Variants in YME1L1 observed in about 807,000 individuals in gnomAD.
YME1L1 encodes ATP-dependent zinc metalloprotease YME1L1.
In YME1L1, 39 loss-of-function variants were observed where a neutral mutation model predicts 90.4. The ratio of observed to expected loss-of-function variants is 0.43; its 90% confidence interval spans 0.33 to 0.56. The LOEUF (loss-of-function observed/expected upper bound fraction) is 0.56. YME1L1 is among the 20% of genes least tolerant of loss of function. YME1L1 has a pLI of 0.03. For synonymous variants in YME1L1, 284 were observed against 287.3 expected (o/e 0.99, Z 0.12); for missense variants, 617 against 868.4 (o/e 0.71, Z 3.64).
chr10:27,152,120 G>A (rs2057226926), intron 1 of YME1L1, among the ~76,000 whole-genome samples: 1 of 151,328 alleles, frequency 6.6e-6, no homozygotes, highest in Non-Finnish European at 1.5e-5. Flanking sequence ...ACAGCCTGGG[G>A]GCAGTAAAAA....
intron 7 of YME1L1, 72 bp downstream of exon 7, chr10:27,133,967 G>T: frequency 9.6e-7 from 1 of 1,044,342 alleles, no homozygotes; most frequent in Non-Finnish European, 1.4e-6. Flanking sequence ...TTAAGGGTTA[G>T]ATTAGGCATT....
chr10:27,112,238 AT>A, intron 18 of YME1L1, 118 bp from the exon 19 acceptor site: 1 of 905,862 alleles, frequency 1.1e-6, no homozygotes, highest in Non-Finnish European at 1.6e-6. Context: ...GTTTATATTT[AT>A]AAAATCATGT....
Position 27,149,480 on chromosome 10 carries a change from T to G in YME1L1, c.34-440A>C, listed in dbSNP as rs372651137. 3.1e-3 allele frequency among the ~76,000 whole-genome samples: 464 copies of G among 150,570 alleles called. 1 individual carries two copies. The highest frequency in any genetic ancestry group is 0.011 in the African/African-American group (439 of 41,028). ...ACCCCAGCACTTTGGGAGACCGAGG[T>G]GGGTGGATCACTTGAGGTCAGGAGT... On this transcript the variant is annotated intron_variant, in intron 1 of 18. Coordinates refer to ENST00000376016, the MANE Select transcript of YME1L1 (RefSeq NM_014263.4).
chr10:27,118,983 A>T (rs2056840086), intron 14 of YME1L1, among the ~76,000 whole-genome samples: 1 of 152,334 alleles, frequency 6.6e-6, no homozygotes, highest in Middle Eastern at 3.4e-3. Context: ...AAAGCTTTCC[A>T]GTCAGAAAAA....
At chr10:27,140,538 G>T (rs989871149) in intron 4 of YME1L1, among the ~76,000 whole-genome samples, 1 of 152,044 alleles carries the variant, frequency 6.6e-6, no homozygotes, top group Non-Finnish European at 1.5e-5. Context: ...GAGTTCAGTG[G>T]CGCGGTCTCG....
intron 5 of YME1L1, 76 bp from the exon 6 acceptor site, chr10:27,135,057 A>C: frequency 7.4e-7 from 1 of 1,354,028 alleles, no homozygotes; most frequent in South Asian, 1.5e-5. Flanking sequence ...ACCACTCAAA[A>C]AAATTCACTA....
intron 1 of YME1L1, among the ~76,000 whole-genome samples, chr10:27,151,484 T>G (rs1378187628): frequency 6.6e-6 from 1 of 152,232 alleles, no homozygotes; most frequent in Non-Finnish European, 1.5e-5. Flanking sequence ...CAACAAAGAT[T>G]TAGAATCTGA....
chr10:27,118,074 G>A (rs1028304484), intron 14 of YME1L1, among the ~76,000 whole-genome samples: 1 of 152,140 alleles, frequency 6.6e-6, no homozygotes, highest in Non-Finnish European at 1.5e-5. Flanking sequence ...ATGGGTCCTG[G>A]AACCAATCCC....
At chr10:27,134,583 A>C (rs1287602962) in intron 6 of YME1L1, among the ~76,000 whole-genome samples, 1 of 152,258 alleles carries the variant, frequency 6.6e-6, no homozygotes, top group Non-Finnish European at 1.5e-5. Flanking sequence ...TCAAAAACAA[A>C]CACAAACAAA....
chr10:27,137,465 A>G (rs1420663507), intron 4 of YME1L1, among the ~76,000 whole-genome samples: 1 of 152,216 alleles, frequency 6.6e-6, no homozygotes, highest in African/African-American at 2.4e-5. Context: ...CAGCAGATGT[A>G]GACTGAATTC....
chr10:27,148,999 T>C lies in YME1L1; in HGVS notation c.75A>G (p.Thr25=), dbSNP rs767714947. ...TGAGAGAAACAGAAGTGTTTTTTGGTGTATGGAAGGCATTGATGAGATGAC... is the reference window on the plus strand; with the variant it reads ...TGAGAGAAACAGAAGTGTTTTTTGGCGTATGGAAGGCATTGATGAGATGAC... ...PLSHLINAFH[T]PKNTSVSLSG... Residue 25 remains threonine, a synonymous_variant, in exon 2 of 19, where the codon ACA becomes ACG. Coordinates refer to ENST00000376016, the MANE Select transcript of YME1L1 (RefSeq NM_014263.4). 6.2e-7 allele frequency: 1 copy of C among 1,613,788 alleles called. No homozygotes were observed. Among genetic ancestry groups the C allele is most frequent in the Non-Finnish European group, 8.5e-7 (1 of 1,179,876 alleles).
At chr10:27,113,260 A>AAAAAAAAAAAAAAAAT (rs1564453902) in intron 18 of YME1L1, among the ~76,000 whole-genome samples, 1 of 111,616 alleles carries the variant, frequency 9.0e-6, no homozygotes. Flanking sequence ...AAAAAAAAAA[A>AAAAAAAAAAAAAAAAT]AAAGACCTGC....
chr10:27,121,667 G>A (rs934092171), intron 11 of YME1L1, among the ~76,000 whole-genome samples: 1 of 152,020 alleles, frequency 6.6e-6, no homozygotes, highest in African/African-American at 2.4e-5. Context: ...TGGAATGACA[G>A]GTGCATGCCA....
intron 17 of YME1L1, 36 bp from the exon 18 acceptor site, chr10:27,114,643 AC>A: frequency 6.7e-7 from 1 of 1,482,276 alleles, no homozygotes; most frequent in Non-Finnish European, 9.3e-7. Flanking sequence ...TGAACAGAAA[AC>A]CCCCAAACAC....
chr10:27,150,007 C>T (rs1365857648), intron 1 of YME1L1, among the ~76,000 whole-genome samples: 1 of 151,814 alleles, frequency 6.6e-6, no homozygotes, highest in Non-Finnish European at 1.5e-5. Context: ...ACCTGGGAGG[C>T]GGAGGTTGCA....
chr10:27,132,345 C>T (rs750706628), intron 7 of YME1L1, among the ~76,000 whole-genome samples: 16 of 151,854 alleles, frequency 1.1e-4, no homozygotes, highest in Non-Finnish European at 1.9e-4. Flanking sequence ...GTGATCCACC[C>T]GCCTCAGCCT....
chr10:27,142,343 A>C, intron 4 of YME1L1, 44 bp downstream of exon 4: 1 of 1,159,428 alleles, frequency 8.6e-7, no homozygotes, highest in Non-Finnish European at 1.2e-6. Flanking sequence ...GACTATAGTA[A>C]ATAAATATTT....
Position 27,142,489 on chromosome 10 carries a change from G to A in YME1L1, c.332-4C>T. 1 of 1,399,284 alleles carries A rather than the reference G, an allele frequency of 7.1e-7. No homozygotes were observed. Among genetic ancestry groups the A allele is most frequent in the Non-Finnish European group, 9.4e-7 (1 of 1,059,028 alleles). 86.7% of individuals were successfully genotyped at this position (1,399,284 alleles called of 1,614,324 possible). On this transcript the variant is annotated splice_region_variant and splice_polypyrimidine_tract_variant and intron_variant, in intron 3 of 18. Transcript: ENST00000376016. ...GTACTAAATATATCTAAGTTACCTG[G>A]AGGGAAATTGCAAAAAGTAAATTTT...
At chr10:27,115,947 C>A (rs2056808232) in intron 17 of YME1L1, 113 bp downstream of exon 17, 2 of 939,308 alleles carry the variant, frequency 2.1e-6, no homozygotes, top group African/African-American at 1.7e-5. Context: ...AGCCTCAAAT[C>A]CATTTGGAGT....
Sources: gnomAD v4.1 joint callset for allele counts (sites outside exome capture counted in the v4.1 genomes callset) on GRCh38, gnomAD v4.1.1 for gene constraint, MANE v1.5 for transcripts, NCBI Gene and HGNC (gene_info 2026-07-23, HGNC 2026-07-21) for gene names.